Variants in KMO observed in about 807,000 individuals in gnomAD.
The protein encoded by KMO is kynurenine 3-hydroxylase.
In KMO, 24 loss-of-function variants were observed where a neutral mutation model predicts 57.8. The observed-to-expected ratio is 0.42, with a 90% CI of 0.30 to 0.58. The LOEUF (loss-of-function observed/expected upper bound fraction) is 0.58, where lower values mean the gene tolerates loss of function less well. KMO is among the 20% of genes least tolerant of loss of function. KMO has a pLI of 0.22. For missense variants in KMO, 483 were observed against 588.2 expected (o/e 0.82, Z 1.85); for synonymous variants, 210 against 193.6 (o/e 1.08, Z -0.70).
At chr1:241,536,866 T>TA (rs1007356755) in intron 1 of KMO, among the ~76,000 whole-genome samples, 2 of 152,168 alleles carry the variant, frequency 1.3e-5, no homozygotes, top group African/African-American at 4.8e-5. Context: ...TGGCCTCTGC[T>TA]GATGAAATTG....
At chr1:241,539,903 G>A (rs754601265) in intron 1 of KMO, among the ~76,000 whole-genome samples, 37 of 152,222 alleles carry the variant, frequency 2.4e-4, no homozygotes, top group African/African-American at 7.5e-4. Flanking sequence ...ACGTGTATGC[G>A]TCATACAATT....
chr1:241,532,649 A>G, intron 1 of KMO, 151 bp downstream of exon 1: 1 of 571,068 alleles, frequency 1.8e-6, no homozygotes, highest in Non-Finnish European at 3.0e-6. Context: ...TTTTTTTAAT[A>G]TTTTTATTTT....
At chr1:241,552,382 G>A (rs1271277837) in intron 4 of KMO, among the ~76,000 whole-genome samples, 2 of 151,962 alleles carry the variant, frequency 1.3e-5, no homozygotes, top group African/African-American at 2.4e-5. Context: ...TTTCTTTATC[G>A]TCACTTTTAT....
At position 241,555,749 on chromosome 1, in the gene KMO, G is replaced by T. The variant is rs1457851667; in HGVS notation, c.361+89G>T. 8.5e-6 allele frequency: 7 copies of T among 822,380 alleles called. No homozygotes were observed. The African/African-American group carries it at 1.2e-4, about 14-fold the overall frequency. 50.9% of individuals were successfully genotyped at this position (822,380 alleles called of 1,614,324 possible). On this transcript the variant is annotated intron_variant, in intron 5 of 14. Transcript: ENST00000366559. ...ATATGATTTATTGGATTTGTTTGCT[G>T]CTCCTTTTTATGGGTTATGAAGAGC...
At chr1:241,541,385 G>C (rs1212073147) in intron 1 of KMO, among the ~76,000 whole-genome samples, 2 of 152,174 alleles carry the variant, frequency 1.3e-5, no homozygotes, top group Non-Finnish European at 2.9e-5. Flanking sequence ...GAGGAAGAAA[G>C]TTTATGGAAT....
chr1:241,565,201 G>A (rs912553361), intron 8 of KMO, 143 bp downstream of exon 8: 5 of 561,004 alleles, frequency 8.9e-6, no homozygotes, highest in East Asian at 3.1e-5. Context: ...GAAACTTTGG[G>A]ATTACTGAGG....
chr1:241,562,086 C>A, intron 6 of KMO, 81 bp from the exon 7 acceptor site: 1 of 1,205,092 alleles, frequency 8.3e-7, no homozygotes. Context: ...TATGGAGCCA[C>A]TACTTCTCAT....
At chr1:241,563,042 A>G (rs1661936808) in intron 7 of KMO, among the ~76,000 whole-genome samples, 1 of 152,210 alleles carries the variant, frequency 6.6e-6, no homozygotes, top group Admixed American at 6.5e-5. Flanking sequence ...CTTGGGAGAA[A>G]AAAACAGGTT....
rs764174100 is a variant in KMO at position 241,549,740 on chromosome 1, G to A, written c.188G>A (p.Arg63Gln). Residue 63 changes from arginine to glutamine, a missense_variant, in exon 3 of 15, where the codon CGA becomes CAA. Around this residue, in one of 3 missense-constraint regions of KMO, gnomAD observed 70 missense variants for 78.4 expected, o/e 0.89. Coordinates refer to ENST00000366559, the MANE Select transcript of KMO (RefSeq NM_003679.5). ...AACTTAGCCCTTTCTCATAGAGGAC[G>A]ACAAGCCTTGAAAGCTGTTGGCCTG... is the stretch of plus-strand genomic sequence containing the variant. ...SINLALSHRG[R>Q]QALKAVGLED... 7.4e-6 allele frequency: 12 copies of A among 1,612,748 alleles called. No individual in the cohort carries two copies. Among genetic ancestry groups the A allele is most frequent in the African/African-American group, 5.3e-5 (4 of 74,852 alleles).
At chr1:241,542,284 T>C (rs768936119) in intron 1 of KMO, among the ~76,000 whole-genome samples, 6 of 152,098 alleles carry the variant, frequency 3.9e-5, no homozygotes, top group Non-Finnish European at 5.9e-5. Context: ...TACCTCAACA[T>C]TTATAGAAAG....
chr1:241,564,373 G>A (rs1661997099), intron 7 of KMO, among the ~76,000 whole-genome samples: 1 of 152,036 alleles, frequency 6.6e-6, no homozygotes, highest in African/African-American at 2.4e-5. Context: ...TATTCAGGCT[G>A]TTATTGTATT....
At chr1:241,544,501 C>T (rs12731674) in intron 1 of KMO, among the ~76,000 whole-genome samples, 45,910 of 151,974 alleles carry the variant, frequency 0.3, 7,857 homozygotes, top group Non-Finnish European at 0.39. Context: ...ACCACAGGCC[C>T]TTCTAGATTT....
intron 9 of KMO, among the ~76,000 whole-genome samples, chr1:241,567,631 G>C (rs562079560): frequency 6.6e-6 from 1 of 152,252 alleles, no homozygotes; most frequent in African/African-American, 2.4e-5. Flanking sequence ...ATCTACCATG[G>C]GGCATTTGTG....
chr1:241,550,474 T>C (rs143030306), intron 3 of KMO, among the ~76,000 whole-genome samples: 138 of 152,352 alleles, frequency 9.1e-4, no homozygotes, highest in African/African-American at 3.2e-3. Context: ...ATGATAGATG[T>C]ATTTTTCTTG....
chr1:241,567,779 A>G (rs1174648764), intron 9 of KMO, among the ~76,000 whole-genome samples: 1 of 152,224 alleles, frequency 6.6e-6, no homozygotes, highest in African/African-American at 2.4e-5. Flanking sequence ...CTGTGAAGAT[A>G]AATCTCTGCA....
chr1:241,572,880 C>T (rs1662357100), intron 10 of KMO, among the ~76,000 whole-genome samples: 1 of 152,076 alleles, frequency 6.6e-6, no homozygotes, highest in Non-Finnish European at 1.5e-5. Flanking sequence ...TAAGTGAGAA[C>T]ATACAGTATT....
At chr1:241,546,643 C>T (rs924740769) in intron 1 of KMO, among the ~76,000 whole-genome samples, 1 of 152,146 alleles carries the variant, frequency 6.6e-6, no homozygotes, top group African/African-American at 2.4e-5. Context: ...TCCTAGCTTT[C>T]TAGTTTGAGC....
intron 1 of KMO, among the ~76,000 whole-genome samples, chr1:241,537,974 A>T (rs1298939835): frequency 6.6e-6 from 1 of 152,206 alleles, no homozygotes; most frequent in Non-Finnish European, 1.5e-5. Flanking sequence ...TTCACAGGAC[A>T]GCCCAGCAAG....
chr1:241,532,607 ACT>A (rs1235462685), intron 1 of KMO, 109 bp downstream of exon 1: 4 of 770,574 alleles, frequency 5.2e-6, no homozygotes, highest in South Asian at 1.9e-5. Flanking sequence ...TCTTGTGAAA[ACT>A]CTGATATTTA....
Sources: allele counts gnomAD v4.1 joint callset (sites outside exome capture counted in the v4.1 genomes callset), GRCh38; gene constraint gnomAD v4.1.1; regional missense constraint gnomAD v4.1.1; transcripts MANE v1.5; gene names NCBI Gene and HGNC (gene_info 2026-07-23, HGNC 2026-07-21).